Variants in PCDH15 observed in about 807,000 individuals in gnomAD.
PCDH15 encodes protocadherin related 15.
In PCDH15, 129 loss-of-function variants were observed where a neutral mutation model predicts 178.5. The observed-to-expected ratio is 0.72, with a 90% CI of 0.63 to 0.84. The LOEUF is 0.84. PCDH15 is among the 40% of genes least tolerant of loss of function. The probability of loss-of-function intolerance (pLI) is 0.00; values close to 1 mark genes in which losing one functional copy is unlikely to be tolerated. For missense variants in PCDH15, 2,230 were observed against 2,099.9 expected, an observed-to-expected ratio of 1.06 and a Z score of -1.21; for synonymous variants, 800 against 732.0, an observed-to-expected ratio of 1.09 and a Z score of -1.50.
At chr10:54,027,786 C>T (rs1240820944) in intron 18 of PCDH15, among the ~76,000 whole-genome samples, 4 of 140,958 alleles carry the variant, frequency 2.8e-5, no homozygotes, top group East Asian at 4.2e-4. Context: ...ATACAAAAAT[C>T]AATTCAAGAT....
At chr10:54,857,651 C>T (rs1953764290) in intron 3 of PCDH15, among the ~76,000 whole-genome samples, 2 of 149,870 alleles carry the variant, frequency 1.3e-5, no homozygotes, top group African/African-American at 2.5e-5. Flanking sequence ...TAGGGTCTTG[C>T]TATGTTCCCA....
At chr10:54,839,068 A>G (rs1351910648) in intron 3 of PCDH15, among the ~76,000 whole-genome samples, 14 of 152,182 alleles carry the variant, frequency 9.2e-5, no homozygotes, top group Non-Finnish European at 2.1e-4. Context: ...TGTAAAGGCT[A>G]AAAGAGGTTT....
intron 2 of PCDH15, among the ~76,000 whole-genome samples, chr10:55,378,321 G>C (rs899601544): frequency 3.3e-5 from 5 of 152,014 alleles, no homozygotes. Context: ...ATACACATTA[G>C]CAATTGTCAA....
rs1463147610 is a variant in PCDH15 at position 54,198,682 on chromosome 10, T to C, written c.1099-2793A>G. Among the ~76,000 whole-genome samples the C allele has an allele frequency of 5.5e-5, 7 of 127,316 alleles. 1 individual carries two copies. The highest frequency in any genetic ancestry group is 1.6e-4 in the African/African-American group (4 of 25,410). 83.5% of individuals were successfully genotyped at this position (127,316 alleles called of 152,430 possible). On this transcript the variant is annotated intron_variant, in intron 10 of 37. Transcript: ENST00000644397. ...ACGCCCGGCTAATTTTTTGTATTTT[T>C]AGTAGAGACGGGGTTTCACCGTTTT...
chr10:54,225,834 A>C (rs1051051773), intron 9 of PCDH15, among the ~76,000 whole-genome samples: 24 of 152,254 alleles, frequency 1.6e-4, no homozygotes, highest in Admixed American at 6.5e-4. Flanking sequence ...ATAATACAAA[A>C]GTAAACTTAG....
At chr10:55,339,825 A>C (rs372501251) in intron 2 of PCDH15, among the ~76,000 whole-genome samples, 2 of 152,078 alleles carry the variant, frequency 1.3e-5, no homozygotes, top group Non-Finnish European at 2.9e-5. Context: ...TATAAAGAGA[A>C]ATCAGTATTA....
chr10:54,391,171 T>G (rs1175343548), intron 3 of PCDH15, among the ~76,000 whole-genome samples: 3 of 152,182 alleles, frequency 2.0e-5, no homozygotes. Flanking sequence ...TTACAACTAT[T>G]GCTACAGTGA....
intron 1 of PCDH15, among the ~76,000 whole-genome samples, chr10:54,726,599 T>C (rs1003357952): frequency 3.3e-5 from 5 of 151,524 alleles, no homozygotes; most frequent in African/African-American, 1.2e-4. Flanking sequence ...TGGTTTTCAA[T>C]GAAGATCATC....
At chr10:55,383,984 T>C (rs1342167970) in intron 2 of PCDH15, among the ~76,000 whole-genome samples, 1 of 152,200 alleles carries the variant, frequency 6.6e-6, no homozygotes, top group Non-Finnish European at 1.5e-5. Flanking sequence ...CAAGTAGCTA[T>C]TATTGTGTTA....
At chr10:53,848,048 C>A (rs2078094533) in intron 28 of PCDH15, among the ~76,000 whole-genome samples, 1 of 151,928 alleles carries the variant, frequency 6.6e-6, no homozygotes, top group African/African-American at 2.4e-5. Flanking sequence ...CATTAAAAAA[C>A]AGCAGTACAG....
intron 1 of PCDH15, among the ~76,000 whole-genome samples, chr10:54,688,251 C>T (rs1197758600): frequency 6.6e-6 from 1 of 152,036 alleles, no homozygotes; most frequent in Non-Finnish European, 1.5e-5. Context: ...GTTCTACCCT[C>T]AACCATCCCA....
chr10:54,239,359 GAGGA>G (rs1292919553), intron 8 of PCDH15, among the ~76,000 whole-genome samples: 4 of 151,484 alleles, frequency 2.6e-5, no homozygotes, highest in Non-Finnish European at 5.9e-5. Flanking sequence ...ACAAAACCAA[GAGGA>G]AGGGAGAAAT....
At chr10:53,907,829 C>G (rs2082784802) in intron 25 of PCDH15, among the ~76,000 whole-genome samples, 1 of 152,152 alleles carries the variant, frequency 6.6e-6, no homozygotes, top group Non-Finnish European at 1.5e-5. Context: ...GACATTTAAA[C>G]ATGGTAGAAG....
intron 2 of PCDH15, among the ~76,000 whole-genome samples, chr10:55,446,646 T>C (rs1014406912): frequency 6.6e-6 from 1 of 152,122 alleles, no homozygotes; most frequent in African/African-American, 2.4e-5. Context: ...GGGTGGAATA[T>C]GTTTCTTTTC....
chr10:55,497,583 AT>A (rs1420577126), intron 2 of PCDH15, among the ~76,000 whole-genome samples: 1 of 151,872 alleles, frequency 6.6e-6, no homozygotes, highest in Non-Finnish European at 1.5e-5. Context: ...TTGGGAAAAC[AT>A]TTTTATATTG....
At chr10:54,362,104 T>C (rs1946141607) in intron 5 of PCDH15, among the ~76,000 whole-genome samples, 3 of 152,088 alleles carry the variant, frequency 2.0e-5, no homozygotes, top group Admixed American at 2.0e-4. Flanking sequence ...CACTTAGAAT[T>C]TGCTTGGCAC....
intron 1 of PCDH15, among the ~76,000 whole-genome samples, chr10:55,302,690 A>G (rs1843316057): frequency 6.6e-6 from 1 of 152,192 alleles, no homozygotes; most frequent in Admixed American, 6.6e-5. Context: ...ACTTCAAAGC[A>G]ATATCCAGAC....
At chr10:54,154,525 T>C (rs1223175421) in intron 13 of PCDH15, among the ~76,000 whole-genome samples, 1 of 152,286 alleles carries the variant, frequency 6.6e-6, no homozygotes, top group South Asian at 2.1e-4. Context: ...ACATACACAT[T>C]TACCTTGAAA....
chr10:55,210,337 AAAT>A (rs2132169449), intron 1 of PCDH15, among the ~76,000 whole-genome samples: 1 of 152,134 alleles, frequency 6.6e-6, no homozygotes, highest in East Asian at 1.9e-4. Context: ...TAACCCCAGA[AAAT>A]AGTAGATAAA....
Sources: allele counts gnomAD v4.1 joint callset (sites outside exome capture counted in the v4.1 genomes callset), GRCh38; gene constraint gnomAD v4.1.1; transcripts MANE v1.5; gene names NCBI Gene and HGNC (gene_info 2026-07-23, HGNC 2026-07-21).